The following DNAI1 variants were observed in gnomAD, a reference collection of about 807,000 sequenced individuals.
The protein encoded by DNAI1 is dynein axonemal intermediate chain 1, also known as dynein, axonemal, intermediate polypeptide 1.
Under a neutral mutation model 92.0 loss-of-function variants are expected in DNAI1, and 67 were observed. That is an observed-to-expected ratio of 0.73 (90% CI 0.60 to 0.89). DNAI1 has a LOEUF of 0.89. DNAI1 is among the 40% of genes least tolerant of loss of function. The pLI, the probability that DNAI1 is intolerant of heterozygous loss-of-function variation, is 0.00. For synonymous variants in DNAI1, 323 were observed against 319.6 expected, an observed-to-expected ratio of 1.01 and a Z score of -0.11; for missense variants, 839 against 866.6, an observed-to-expected ratio of 0.97 and a Z score of 0.40.
chr9:34,497,549 G>T (rs1466514448), intron 10 of DNAI1, among the ~76,000 whole-genome samples: 1 of 152,230 alleles, frequency 6.6e-6, no homozygotes, highest in Non-Finnish European at 1.5e-5. Context: ...CCTGACTAGT[G>T]AGTGGCAGAG....
intron 1 of DNAI1, among the ~76,000 whole-genome samples, chr9:34,472,631 G>C (rs1183204052): frequency 6.6e-6 from 1 of 152,216 alleles, no homozygotes; most frequent in African/African-American, 2.4e-5. Flanking sequence ...GCTGGGTGCA[G>C]TGGTTCACGT....
chr9:34,512,997 T>G (rs1309731578), intron 15 of DNAI1, 115 bp from the exon 16 acceptor site: 4 of 872,290 alleles, frequency 4.6e-6, no homozygotes, highest in Non-Finnish European at 7.9e-6. Flanking sequence ...CAGTCTGTCC[T>G]GCGCTGAGTC....
intron 1 of DNAI1, among the ~76,000 whole-genome samples, chr9:34,479,325 G>C (rs1229714358): frequency 6.6e-6 from 1 of 152,178 alleles, no homozygotes; most frequent in African/African-American, 2.4e-5. Context: ...CAGGAATTCA[G>C]GCTTGTCTGT....
In DNAI1 at chr9:34,497,271, T is replaced by C; in HGVS notation, c.901+72T>C. ...ATTTCTCATAAAAGCTTGGGTTATTTGGGTGTCTCTTGCTAGCTCCTATAG... is the reference window on the plus strand; with the variant it reads ...ATTTCTCATAAAAGCTTGGGTTATTCGGGTGTCTCTTGCTAGCTCCTATAG... On this transcript the variant is annotated intron_variant, in intron 10 of 19. Coordinates refer to ENST00000242317, the MANE Select transcript of DNAI1 (RefSeq NM_012144.4). 15 of 1,215,294 alleles carry C rather than the reference T, an allele frequency of 1.2e-5. No individual in the cohort carries two copies. The South Asian group carries it at 1.8e-4, about 15-fold the overall frequency. 75.3% of individuals were successfully genotyped at this position (1,215,294 alleles called of 1,614,324 possible).
intron 9 of DNAI1, among the ~76,000 whole-genome samples, chr9:34,494,157 C>T (rs923469323): frequency 6.6e-6 from 1 of 152,016 alleles, no homozygotes; most frequent in Non-Finnish European, 1.5e-5. Flanking sequence ...TCGGAGAGTT[C>T]CCATGGCTGC....
chr9:34,487,698 G>A (rs1313165796), intron 4 of DNAI1, among the ~76,000 whole-genome samples: 1 of 152,042 alleles, frequency 6.6e-6, no homozygotes, highest in East Asian at 1.9e-4. Flanking sequence ...GCAGAGGACT[G>A]GCATTGCCTT....
In DNAI1 at chr9:34,513,182, A is replaced by G; in HGVS notation, c.1560A>G (p.Lys520=). The G allele has an allele frequency of 6.2e-7, 1 of 1,614,010 alleles. No individual in the cohort carries two copies. The highest frequency in any genetic ancestry group is 8.5e-7 in the Non-Finnish European group (1 of 1,179,894). Residue 520 remains lysine (K), a synonymous_variant, in exon 16 of 20, where the codon AAA becomes AAG. Coordinates refer to ENST00000242317, the MANE Select transcript of DNAI1 (RefSeq NM_012144.4). The part of the protein sequence containing the change: ...YMFLVGTEEG[K]IYKCSKSYSS... ...TCCTAGTGGGCACAGAGGAGGGAAAAATCTACAAGGTGAGGCTGCCCTGTG... is the reference window on the plus strand; with the variant it reads ...TCCTAGTGGGCACAGAGGAGGGAAAGATCTACAAGGTGAGGCTGCCCTGTG...
At position 34,459,005 on chromosome 9, in the gene DNAI1, G is replaced by A. The variant is rs1197115458; in HGVS notation, c.-1G>A. 1 of 1,614,180 alleles carries A rather than the reference G, an allele frequency of 6.2e-7. No individual in the cohort carries two copies. Among genetic ancestry groups the A allele is most frequent in the African/African-American group, 1.3e-5 (1 of 75,060 alleles). ...GTTTTGTAGGCTCTCCAGGGGTTGA[G>A]ATGATTCCTGCTTCTGCGAAGGCTC... is the stretch of plus-strand genomic sequence containing the variant. On this transcript the variant is annotated 5_prime_UTR_variant, in exon 1 of 20. Coordinates refer to ENST00000242317, the MANE Select transcript of DNAI1 (RefSeq NM_012144.4).
intron 13 of DNAI1, among the ~76,000 whole-genome samples, chr9:34,507,182 T>G (rs1405684649): frequency 6.6e-6 from 1 of 152,126 alleles, no homozygotes; most frequent in Non-Finnish European, 1.5e-5. Flanking sequence ...CTCCAGGGCC[T>G]GACAGGCTCC....
intron 13 of DNAI1, among the ~76,000 whole-genome samples, chr9:34,510,486 C>T (rs1291982031): frequency 6.6e-6 from 1 of 152,154 alleles, no homozygotes; most frequent in Non-Finnish European, 1.5e-5. Flanking sequence ...GGTTCCAGCT[C>T]CTCCCTACCA....
intron 10 of DNAI1, 135 bp downstream of exon 10, chr9:34,497,334 A>G (rs961967090): frequency 1.4e-6 from 1 of 725,670 alleles, no homozygotes; most frequent in Non-Finnish European, 2.5e-6. Flanking sequence ...TGTCCTCTGG[A>G]TGTCACTGGG....
intron 1 of DNAI1, among the ~76,000 whole-genome samples, chr9:34,470,911 A>C (rs1564027275): frequency 6.6e-6 from 1 of 152,240 alleles, no homozygotes; most frequent in Non-Finnish European, 1.5e-5. Flanking sequence ...GCCAAAAAAG[A>C]ATCTCAGCAT....
chr9:34,492,495 T>TAGATATAG lies in DNAI1; in HGVS notation c.682-698_682-697insGATATAGA, dbSNP rs1182075090. Among the ~76,000 whole-genome samples, 21 of 19,046 alleles carry TAGATATAG rather than the reference T, an allele frequency of 1.1e-3. 2 individuals carry two copies. Among genetic ancestry groups the TAGATATAG allele is most frequent in the African/African-American group, 3.2e-3 (21 of 6,534 alleles). 12.5% of individuals were successfully genotyped at this position (19,046 alleles called of 152,430 possible). On this transcript the variant is annotated intron_variant, in intron 8 of 19. Coordinates refer to ENST00000242317, the MANE Select transcript of DNAI1 (RefSeq NM_012144.4). ...CGGGGTGGGGGTGGGGATATGAAGATATATATATATATATATATATATATA... is the reference window on the plus strand; with the variant it reads ...CGGGGTGGGGGTGGGGATATGAAGATAGATATAGATATATATATATATATATATATATA...
At chr9:34,497,053 C>T (rs1824739508) in intron 9 of DNAI1, 62 bp from the exon 10 acceptor site, 3 of 1,262,238 alleles carry the variant, frequency 2.4e-6, no homozygotes, top group East Asian at 2.3e-5. Flanking sequence ...TGACATGGCT[C>T]AGGACATATG....
intron 1 of DNAI1, among the ~76,000 whole-genome samples, chr9:34,474,903 G>A (rs1824210889): frequency 6.6e-6 from 1 of 152,084 alleles, no homozygotes; most frequent in African/African-American, 2.4e-5. Flanking sequence ...TCAAGAAAGT[G>A]GAGCCATTGA....
intron 1 of DNAI1, among the ~76,000 whole-genome samples, chr9:34,463,904 C>G (rs2132038934): frequency 6.6e-6 from 1 of 152,162 alleles, no homozygotes. Flanking sequence ...GTGATGGGGC[C>G]TGGTATCCAC....
At chr9:34,493,143 T>TGG in intron 8 of DNAI1, 51 bp from the exon 9 acceptor site, 1 of 1,613,808 alleles carries the variant, frequency 6.2e-7, no homozygotes, top group Non-Finnish European at 8.5e-7. Context: ...AAGAGCTGTC[T>TGG]GGGTAAAGAT....
At chr9:34,491,471 G>A (rs371155851) in intron 7 of DNAI1, 24 bp from the exon 8 acceptor site, 89 of 1,613,894 alleles carry the variant, frequency 5.5e-5, no homozygotes, top group Middle Eastern at 3.3e-4. Flanking sequence ...CTTTTTGTGG[G>A]TCTCCTGTTG....
At position 34,459,450 on chromosome 9, in the gene DNAI1, CT is replaced by C. The variant is rs373407715; in HGVS notation, c.48+410del. On this transcript the variant is annotated intron_variant, in intron 1 of 19. Coordinates refer to ENST00000242317, the MANE Select transcript of DNAI1 (RefSeq NM_012144.4). The stretch of plus-strand genomic sequence containing the variant: ...TCTTTTTCTTTTTCTTTCTTTCTTT[CT>C]TTTTTTTTTTTTGAGACAGAGGCTC... Among the ~76,000 whole-genome samples the C allele has an allele frequency of 7.7e-3, 1,057 of 138,082 alleles. 6 individuals carry two copies. Among genetic ancestry groups the C allele is most frequent in the African/African-American group, 0.024 (857 of 36,066 alleles). 90.6% of individuals were successfully genotyped at this position (138,082 alleles called of 152,430 possible). A position where few individuals can be genotyped will look rare whatever the true frequency, so the allele number is the denominator to read the frequency against.
Sources: allele counts gnomAD v4.1 joint callset (sites outside exome capture counted in the v4.1 genomes callset), GRCh38; gene constraint gnomAD v4.1.1; transcripts MANE v1.5; gene names NCBI Gene and HGNC (gene_info 2026-07-23, HGNC 2026-07-21).